Variants in DGKI observed in about 807,000 individuals in gnomAD.
The protein encoded by DGKI is diacylglycerol kinase iota.
A neutral mutation model predicts 147.5 loss-of-function variants in DGKI; 55 were observed. The ratio of observed to expected loss-of-function variants is 0.37; its 90% CI spans 0.30 to 0.47. The LOEUF (loss-of-function observed/expected upper bound fraction) is 0.47, where lower values mean the gene tolerates loss of function less well. DGKI is among the 20% of genes least tolerant of loss of function. The pLI, the probability that DGKI is intolerant of heterozygous loss-of-function variation, is 1.00. For missense variants in DGKI, 1,007 were observed against 1,323.8 expected, an observed-to-expected ratio of 0.76 and a Z score of 3.71; for synonymous variants, 469 against 477.1, an observed-to-expected ratio of 0.98 and a Z score of 0.22.
intron 1 of DGKI, among the ~76,000 whole-genome samples, chr7:137,763,678 T>C (rs1406615455): frequency 6.6e-6 from 1 of 152,230 alleles, no homozygotes; most frequent in African/African-American, 2.4e-5. Flanking sequence ...CTCCAAAGAT[T>C]CTAAACAGTA....
intron 27 of DGKI, among the ~76,000 whole-genome samples, chr7:137,458,496 T>C (rs1230038334): frequency 6.6e-6 from 1 of 152,154 alleles, no homozygotes; most frequent in Admixed American, 6.5e-5. Context: ...TGGGGGTTTC[T>C]TACGAACTAC....
At chr7:137,599,787 A>C (rs775908789) in intron 11 of DGKI, 36 bp downstream of exon 11, 1 of 1,593,730 alleles carries the variant, frequency 6.3e-7, no homozygotes, top group Admixed American at 1.7e-5. Context: ...CTTGCCTAAA[A>C]TACATATGGA....
chr7:137,572,450 T>G lies in DGKI; in HGVS notation c.1835+315A>C, dbSNP rs540224258. Among the ~76,000 whole-genome samples, 14 of 152,286 alleles carry G rather than the reference T, an allele frequency of 9.2e-5. No homozygotes were observed. The South Asian group carries it at 2.9e-3, about 32-fold the overall frequency. On this transcript the variant is annotated intron_variant, in intron 18 of 32. Coordinates refer to ENST00000614521, the MANE Select transcript of DGKI (RefSeq NM_001321708.2). ...AAAAAAAGTGTTTCAATTCTCTCAT[T>G]CTTAGATGGGGAGGAAGAGGGGAAG...
At chr7:137,471,156 CT>C (rs1310638305) in intron 23 of DGKI, among the ~76,000 whole-genome samples, 1 of 152,106 alleles carries the variant, frequency 6.6e-6, no homozygotes, top group African/African-American at 2.4e-5. Flanking sequence ...CATTCTAGCC[CT>C]GGTTTGCAGT....
chr7:137,721,362 A>G (rs946509152), intron 1 of DGKI, among the ~76,000 whole-genome samples: 1 of 152,222 alleles, frequency 6.6e-6, no homozygotes, highest in Non-Finnish European at 1.5e-5. Flanking sequence ...GTCCCTATAA[A>G]TAACATCTTC....
At chr7:137,455,480 G>C (rs1237076040) in intron 27 of DGKI, among the ~76,000 whole-genome samples, 1 of 152,064 alleles carries the variant, frequency 6.6e-6, no homozygotes, top group Non-Finnish European at 1.5e-5. Flanking sequence ...AGCTGTGGGA[G>C]GTACTTAACT....
At chr7:137,397,528 A>G in intron 30 of DGKI, 115 bp from the exon 31 acceptor site, 1 of 943,360 alleles carries the variant, frequency 1.1e-6, no homozygotes, top group Non-Finnish European at 1.6e-6. Flanking sequence ...TGGGGATAGG[A>G]ATAATAAGAC....
At chr7:137,534,926 G>A (rs1259152090) in intron 20 of DGKI, among the ~76,000 whole-genome samples, 3 of 152,192 alleles carry the variant, frequency 2.0e-5, no homozygotes, top group African/African-American at 7.2e-5. Context: ...CATGACTAGT[G>A]TCTTTTATAT....
rs891021997 is a variant in DGKI, at chr7:137,427,257, C to T, written c.2762-15050G>A. 2.7e-4 allele frequency among the ~76,000 whole-genome samples: 41 copies of T among 152,240 alleles called. No homozygotes were observed. The East Asian group carries it at 5.4e-3, about 20-fold the overall frequency. The stretch of plus-strand genomic sequence containing the variant: ...CAGGATTAAGAAACTCACTCAAAAC[C>T]ACTCAACTACATGGAAACTGAACAA... On this transcript the variant is annotated intron_variant, in intron 28 of 32. Coordinates refer to ENST00000614521, the MANE Select transcript of DGKI (RefSeq NM_001321708.2).
At chr7:137,752,950 G>T (rs1456665745) in intron 1 of DGKI, among the ~76,000 whole-genome samples, 2 of 152,118 alleles carry the variant, frequency 1.3e-5, no homozygotes, top group Non-Finnish European at 2.9e-5. Flanking sequence ...CTGCAAAAGA[G>T]ATTCATCCAA....
At chr7:137,465,310 C>T (rs1218539246) in intron 26 of DGKI, among the ~76,000 whole-genome samples, 1 of 152,058 alleles carries the variant, frequency 6.6e-6, no homozygotes, top group Non-Finnish European at 1.5e-5. Context: ...TTTAAAAATG[C>T]CAGGAATGAC....
At chr7:137,740,524 T>C (rs1421487165) in intron 1 of DGKI, among the ~76,000 whole-genome samples, 1 of 152,172 alleles carries the variant, frequency 6.6e-6, no homozygotes, top group Non-Finnish European at 1.5e-5. Context: ...ACAGTCACAC[T>C]TCCCTACTTC....
In DGKI at chr7:137,646,789, G is replaced by A. The variant is rs567326246; in HGVS notation, c.739-1252C>T. 7.9e-5 allele frequency among the ~76,000 whole-genome samples: 12 copies of A among 152,064 alleles called. No individual in the cohort carries two copies. The East Asian group carries it at 9.7e-4, about 12-fold the overall frequency. On this transcript the variant is annotated intron_variant, in intron 5 of 32. Transcript: ENST00000614521. ...ATGCAAGGCACTGTTCTATTAGTACGTACAGATGGACAGAAAATAGATCAG... is the reference window on the plus strand; with the variant it reads ...ATGCAAGGCACTGTTCTATTAGTACATACAGATGGACAGAAAATAGATCAG...
chr7:137,616,558 T>A (rs1820537824), intron 8 of DGKI, among the ~76,000 whole-genome samples: 1 of 152,104 alleles, frequency 6.6e-6, no homozygotes, highest in Non-Finnish European at 1.5e-5. Context: ...CATGGTATTG[T>A]TCCTAAAACC....
Position 137,846,417 on chromosome 7 carries a change from C to A in DGKI, c.401+45G>T. On this transcript the variant is annotated intron_variant, in intron 1 of 32. Transcript: ENST00000614521. This position sits in a 1 kb window ranked among gnomAD's most constrained non-coding sequence, Gnocchi z 4.0. The stretch of plus-strand genomic sequence containing the variant: ...CCTTGCTGGGTAGAAGAGTGGGTCT[C>A]CCGCCGCGGCGCACCTGTCTCGGCT... 1 of 1,474,178 alleles carries A rather than the reference C, an allele frequency of 6.8e-7. No individual in the cohort carries two copies. The highest frequency in any genetic ancestry group is 9.2e-7 in the Non-Finnish European group (1 of 1,083,234). The allele number at this position is 1,474,178 out of a possible 1,614,324, so 91.3% of individuals were successfully genotyped here.
intron 21 of DGKI, among the ~76,000 whole-genome samples, chr7:137,501,314 TGCTGTAATAAACTCAG>T (rs1816163921): frequency 6.6e-6 from 1 of 152,220 alleles, no homozygotes; most frequent in African/African-American, 2.4e-5. Context: ...TTATGAATAC[TGCTGTAATAAACTCAG>T]GCATTCAAAT....
intron 25 of DGKI, 134 bp downstream of exon 25, chr7:137,466,768 C>T: frequency 1.2e-6 from 1 of 854,314 alleles, no homozygotes. Flanking sequence ...AAGGTTCAAG[C>T]TTAAGTTATG....
intron 17 of DGKI, among the ~76,000 whole-genome samples, chr7:137,576,857 T>C (rs751661986): frequency 1.3e-5 from 2 of 151,566 alleles, no homozygotes; most frequent in Non-Finnish European, 2.9e-5. Flanking sequence ...GCTAACATCA[T>C]TTTTTTTTAT....
At chr7:137,736,124 T>C (rs1260900828) in intron 1 of DGKI, among the ~76,000 whole-genome samples, 1 of 152,102 alleles carries the variant, frequency 6.6e-6, no homozygotes, top group Admixed American at 6.6e-5. Context: ...CTTCCCTGCT[T>C]CAGTTCATTC....
Sources: gnomAD v4.1 joint callset for allele counts (sites outside exome capture counted in the v4.1 genomes callset) on GRCh38, gnomAD v4.1.1 for gene constraint, Gnocchi (gnomAD v3.1) non-coding constraint, MANE v1.5 for transcripts, NCBI Gene and HGNC (gene_info 2026-07-23, HGNC 2026-07-21) for gene names.